Variants in L3MBTL4 observed in about 807,000 individuals in gnomAD.
L3MBTL4 encodes the protein lethal(3)malignant brain tumor-like protein 4.
L3MBTL4 carries 70 observed loss-of-function variants against 84.5 expected under a neutral mutation model. The observed-to-expected ratio is 0.83, with a 90% CI of 0.68 to 1.01. The LOEUF (loss-of-function observed/expected upper bound fraction) is 1.01. Ranked by LOEUF, L3MBTL4 falls within the 50% of genes least tolerant of loss-of-function variation. L3MBTL4 has a pLI of 0.00. For synonymous variants in L3MBTL4, 274 were observed against 259.8 expected, an observed-to-expected ratio of 1.05 and a Z score of -0.52; for missense variants, 715 against 754.8, an observed-to-expected ratio of 0.95 and a Z score of 0.62.
chr18:6,168,577 A>G (rs1004966063), intron 13 of L3MBTL4, among the ~76,000 whole-genome samples: 1 of 152,242 alleles, frequency 6.6e-6, no homozygotes, highest in African/African-American at 2.4e-5. Context: ...GCAATGGGGA[A>G]AGGATTCCCT....
At chr18:6,051,165 C>T (rs991578897) in intron 16 of L3MBTL4, among the ~76,000 whole-genome samples, 3 of 152,202 alleles carry the variant, frequency 2.0e-5, no homozygotes, top group African/African-American at 7.2e-5. Flanking sequence ...CCAGAAGGAT[C>T]CTGACTAAAA....
chr18:6,291,528 C>A (rs1277521751), intron 4 of L3MBTL4, among the ~76,000 whole-genome samples: 1 of 152,090 alleles, frequency 6.6e-6, no homozygotes, highest in Admixed American at 6.5e-5. Flanking sequence ...CAACAGAGAA[C>A]CCAGGTATAA....
At chr18:6,165,779 G>A (rs1291450241) in intron 13 of L3MBTL4, among the ~76,000 whole-genome samples, 2 of 152,178 alleles carry the variant, frequency 1.3e-5, no homozygotes, top group Non-Finnish European at 2.9e-5. Context: ...CAACTAATGA[G>A]CAAAATAACC....
At chr18:6,254,852 A>G (rs1417553693) in intron 5 of L3MBTL4, among the ~76,000 whole-genome samples, 1 of 152,186 alleles carries the variant, frequency 6.6e-6, no homozygotes, top group African/African-American at 2.4e-5. Flanking sequence ...CACTGACTGA[A>G]TTACGGTCTC....
At chr18:6,188,609 T>G (rs1039235106) in intron 12 of L3MBTL4, among the ~76,000 whole-genome samples, 1 of 152,200 alleles carries the variant, frequency 6.6e-6, no homozygotes, top group Non-Finnish European at 1.5e-5. Flanking sequence ...GTGCTGAGTT[T>G]GTACCTGGAG....
intron 13 of L3MBTL4, among the ~76,000 whole-genome samples, chr18:6,158,476 A>G (rs893139751): frequency 6.6e-6 from 1 of 152,282 alleles, no homozygotes; most frequent in East Asian, 1.9e-4. Flanking sequence ...GTGTTCACCA[A>G]TTGAGAGAAA....
intron 16 of L3MBTL4, among the ~76,000 whole-genome samples, chr18:6,004,374 G>C (rs1030537022): frequency 1.3e-5 from 2 of 152,166 alleles, no homozygotes; most frequent in Non-Finnish European, 2.9e-5. Context: ...AGGAGATTGA[G>C]TCAGTAATCA....
intron 3 of L3MBTL4, among the ~76,000 whole-genome samples, chr18:6,307,207 C>T (rs1428189883): frequency 6.6e-6 from 1 of 151,748 alleles, no homozygotes; most frequent in Non-Finnish European, 1.5e-5. Flanking sequence ...CCGAGGCAGG[C>T]GGATCACAAG....
chr18:6,048,196 A>G (rs1280032061), intron 16 of L3MBTL4, among the ~76,000 whole-genome samples: 2 of 152,180 alleles, frequency 1.3e-5, no homozygotes, highest in African/African-American at 2.4e-5. Flanking sequence ...AAAGATCTCT[A>G]TAAAGAACTA....
rs142175435 is a variant in L3MBTL4, at chr18:6,285,048, C to T, written c.127+16855G>A. Among the ~76,000 whole-genome samples the T allele has an allele frequency of 3.6e-3, 550 of 152,320 alleles. 2 individuals are homozygous for T. The highest frequency in any genetic ancestry group is 0.013 in the African/African-American group (522 of 41,576). On this transcript the variant is annotated intron_variant, in intron 4 of 18. Coordinates refer to ENST00000317931, the MANE Select transcript of L3MBTL4 (RefSeq NM_001330559.2). ...GACCCAGCGAGGGGAGTCCAGTTTC[C>T]GGAGGGCGTCGAGAGGACGGCTTCT...
chr18:6,033,443 T>C (rs2055941531), intron 16 of L3MBTL4, among the ~76,000 whole-genome samples: 1 of 152,210 alleles, frequency 6.6e-6, no homozygotes, highest in Admixed American at 6.5e-5. Context: ...CTCTGTCTTT[T>C]GATTGGAGAG....
Position 6,220,445 on chromosome 18 carries a change from G to C in L3MBTL4, c.785-4610C>G, listed in dbSNP as rs77295810. Among the ~76,000 whole-genome samples the C allele has an allele frequency of 1.3e-5, 2 of 151,904 alleles. 1 individual carries two copies. Among genetic ancestry groups the C allele is most frequent in the South Asian group, 4.1e-4 (2 of 4,830 alleles). ...TTATCTGTAGATATCCTCCAGACTT[G>C]TCACCTTATCTCAAATGCCACTCAA... On this transcript the variant is annotated intron_variant, in intron 10 of 18. Coordinates refer to ENST00000317931, the MANE Select transcript of L3MBTL4 (RefSeq NM_001330559.2).
At chr18:6,338,277 T>C (rs2052441607) in intron 1 of L3MBTL4, among the ~76,000 whole-genome samples, 1 of 151,386 alleles carries the variant, frequency 6.6e-6, no homozygotes, top group East Asian at 1.9e-4. Flanking sequence ...GTTCTTCAGG[T>C]AGAAGAAAAA....
At chr18:6,230,045 T>A (rs1278613962) in intron 10 of L3MBTL4, among the ~76,000 whole-genome samples, 1 of 152,212 alleles carries the variant, frequency 6.6e-6, no homozygotes, top group Non-Finnish European at 1.5e-5. Context: ...TTAAGTTGAA[T>A]CTGCTTATAT....
chr18:5,998,167 TAG>T, intron 16 of L3MBTL4, among the ~76,000 whole-genome samples: 1 of 152,250 alleles, frequency 6.6e-6, no homozygotes, highest in Middle Eastern at 3.4e-3. Flanking sequence ...TCTCATCCAT[TAG>T]GTGGCCAGGT....
At position 6,114,432 on chromosome 18, in the gene L3MBTL4, A is replaced by C. The variant is rs530058724; in HGVS notation, c.1200-20904T>G. 9.3e-4 allele frequency among the ~76,000 whole-genome samples: 141 copies of C among 152,138 alleles called. 1 individual carries two copies. Among genetic ancestry groups the C allele is most frequent in the Non-Finnish European group, 1.8e-3 (123 of 68,024 alleles). ...CTGTGCTTCTTTTAAAATACTCATAATTTGTTCTTTTGTATTAAGTTATCT... is the reference window on the plus strand; with the variant it reads ...CTGTGCTTCTTTTAAAATACTCATACTTTGTTCTTTTGTATTAAGTTATCT... On this transcript the variant is annotated intron_variant, in intron 14 of 18. Transcript: ENST00000317931.
At chr18:6,218,328 AT>A (rs2046409338) in intron 10 of L3MBTL4, among the ~76,000 whole-genome samples, 1 of 152,180 alleles carries the variant, frequency 6.6e-6, no homozygotes, top group African/African-American at 2.4e-5. Context: ...ATCCAAATCC[AT>A]TTATCACATT....
At chr18:6,014,577 G>C (rs1250603776) in intron 16 of L3MBTL4, among the ~76,000 whole-genome samples, 1 of 152,160 alleles carries the variant, frequency 6.6e-6, no homozygotes, top group Non-Finnish European at 1.5e-5. Flanking sequence ...TGAGGGGCGT[G>C]TGTGCATGTG....
At chr18:6,398,369 C>A (rs986546022) in intron 1 of L3MBTL4, among the ~76,000 whole-genome samples, 1 of 152,022 alleles carries the variant, frequency 6.6e-6, no homozygotes, top group Non-Finnish European at 1.5e-5. Context: ...TGGACAGCAC[C>A]CTCATCTGCA....
Sources: gnomAD v4.1 joint callset for allele counts (sites outside exome capture counted in the v4.1 genomes callset) on GRCh38, gnomAD v4.1.1 for gene constraint, MANE v1.5 for transcripts, NCBI Gene and HGNC (gene_info 2026-07-23, HGNC 2026-07-21) for gene names.